CCDC178: variants seen among roughly 807,000 people sequenced by gnomAD.
The protein encoded by CCDC178 is coiled-coil domain containing 178, also known as coiled-coil domain-containing protein 178.
Under a neutral mutation model 117.4 loss-of-function variants are expected in CCDC178, and 126 were observed. The observed-to-expected ratio is 1.07, with a 90% CI of 0.93 to 1.24. CCDC178 has a LOEUF of 1.24. Among genes scored for constraint, CCDC178 ranks in the 50% most tolerant of loss-of-function variants. The pLI, the probability that CCDC178 is intolerant of heterozygous loss-of-function variation, is 0.00. For missense variants in CCDC178, 1,030 were observed against 986.9 expected (o/e 1.04, Z -0.59); for synonymous variants, 283 against 313.4 (o/e 0.90, Z 1.02).
At chr18:33,426,878 T>C (rs920444980) in intron 2 of CCDC178, among the ~76,000 whole-genome samples, 1 of 152,018 alleles carries the variant, frequency 6.6e-6, no homozygotes, top group African/African-American at 2.4e-5. Flanking sequence ...AATGGGAAAA[T>C]TTCTGAAAAA....
intron 20 of CCDC178, among the ~76,000 whole-genome samples, chr18:33,126,666 A>AT (rs918772623): frequency 2.6e-5 from 4 of 151,598 alleles, no homozygotes; most frequent in African/African-American, 4.8e-5. Context: ...TTTACTGTTT[A>AT]TTTTTTGTTT....
intron 20 of CCDC178, among the ~76,000 whole-genome samples, chr18:33,119,699 G>A (rs1218261723): frequency 6.6e-6 from 1 of 152,106 alleles, no homozygotes; most frequent in African/African-American, 2.4e-5. Flanking sequence ...ATACCCAAAG[G>A]ATTATCAATC....
chr18:33,321,545 G>C (rs1478099800), intron 11 of CCDC178, among the ~76,000 whole-genome samples: 1 of 152,048 alleles, frequency 6.6e-6, no homozygotes, highest in Non-Finnish European at 1.5e-5. Flanking sequence ...CAGAAGAAAT[G>C]TAATAACTAG....
At chr18:33,064,389 C>T (rs272937) in intron 21 of CCDC178, among the ~76,000 whole-genome samples, 21,660 of 151,954 alleles carry the variant, frequency 0.14, 2,392 homozygotes, top group African/African-American at 0.31. Context: ...CTGAAGAATT[C>T]AATAAATGAA....
At chr18:33,281,560 A>G (rs1366027787) in intron 12 of CCDC178, among the ~76,000 whole-genome samples, 2 of 152,190 alleles carry the variant, frequency 1.3e-5, no homozygotes, top group Non-Finnish European at 2.9e-5. Flanking sequence ...CAGTTGCCAT[A>G]CAAGATCCAA....
chr18:32,999,442 G>T (rs958599386), intron 21 of CCDC178, among the ~76,000 whole-genome samples: 6 of 152,154 alleles, frequency 3.9e-5, no homozygotes, highest in African/African-American at 1.4e-4. Flanking sequence ...CACAAGCTTG[G>T]TTAGTTTTGC....
intron 20 of CCDC178, among the ~76,000 whole-genome samples, chr18:33,174,608 C>T (rs1213905779): frequency 1.3e-5 from 2 of 152,094 alleles, no homozygotes; most frequent in Non-Finnish European, 2.9e-5. Flanking sequence ...AGCATAGAAA[C>T]CACCTGAGGA....
intron 12 of CCDC178, among the ~76,000 whole-genome samples, chr18:33,280,379 A>C (rs1186716184): frequency 1.3e-5 from 2 of 151,586 alleles, no homozygotes; most frequent in Non-Finnish European, 2.9e-5. Context: ...CCATCAGAGA[A>C]ATGCAAATCA....
At chr18:33,422,392 A>C (rs1351597300) in intron 2 of CCDC178, among the ~76,000 whole-genome samples, 1 of 152,132 alleles carries the variant, frequency 6.6e-6, no homozygotes, top group Non-Finnish European at 1.5e-5. Context: ...TTAACATTAC[A>C]TTACACTTTT....
At chr18:33,306,354 T>C (rs992995271) in intron 11 of CCDC178, among the ~76,000 whole-genome samples, 2 of 150,816 alleles carry the variant, frequency 1.3e-5, no homozygotes, top group Non-Finnish European at 2.9e-5. Flanking sequence ...TTTTATAAAA[T>C]GGTGAGTTTG....
intron 20 of CCDC178, among the ~76,000 whole-genome samples, chr18:33,133,201 G>A (rs980345266): frequency 3.3e-5 from 5 of 151,690 alleles, no homozygotes; most frequent in African/African-American, 7.3e-5. Context: ...TATCGAAAAC[G>A]TCTGTGAGAA....
intron 5 of CCDC178, among the ~76,000 whole-genome samples, chr18:33,380,655 A>G (rs1033857271): frequency 6.6e-6 from 1 of 152,188 alleles, no homozygotes; most frequent in Admixed American, 6.5e-5. Context: ...TAACACCCAG[A>G]TGCCATCATG....
At chr18:33,299,007 G>C (rs1019770881) in intron 11 of CCDC178, among the ~76,000 whole-genome samples, 1 of 152,030 alleles carries the variant, frequency 6.6e-6, no homozygotes, top group Admixed American at 6.6e-5. Flanking sequence ...CCTAGCTCAC[G>C]GATTGAAAGA....
intron 3 of CCDC178, among the ~76,000 whole-genome samples, 172 bp downstream of exon 3, chr18:33,411,859 G>T (rs145332075): frequency 6.6e-6 from 1 of 151,928 alleles, no homozygotes; most frequent in Non-Finnish European, 1.5e-5. Context: ...TTTTTGTTAC[G>T]CTGACTCACT....
At chr18:33,219,787 T>A (rs199614) in intron 18 of CCDC178, among the ~76,000 whole-genome samples, 24,414 of 150,924 alleles carry the variant, frequency 0.16, 2,738 homozygotes, top group African/African-American at 0.32. Context: ...GGGTTGGGGG[T>A]GGAGGGAGGG....
chr18:33,006,878 AC>A (rs1357052165), intron 21 of CCDC178, among the ~76,000 whole-genome samples: 1 of 152,058 alleles, frequency 6.6e-6, no homozygotes, highest in Non-Finnish European at 1.5e-5. Flanking sequence ...ATTTCTGCCA[AC>A]AATACATGCC....
At chr18:33,124,378 C>A (rs1360718975) in intron 20 of CCDC178, among the ~76,000 whole-genome samples, 1 of 152,092 alleles carries the variant, frequency 6.6e-6, no homozygotes, top group Admixed American at 6.6e-5. Context: ...ATTCCGGGGC[C>A]ATGGGAATCT....
chr18:33,054,759 T>C (rs576203208), intron 21 of CCDC178, among the ~76,000 whole-genome samples: 20 of 152,256 alleles, frequency 1.3e-4, no homozygotes, highest in Non-Finnish European at 2.4e-4. Flanking sequence ...TATAATAGAA[T>C]GATTTATATT....
chr18:33,179,131 C>CTATATATATATAAACTATA (rs1235147711), intron 20 of CCDC178, among the ~76,000 whole-genome samples: 2 of 54,700 alleles, frequency 3.7e-5, no homozygotes, highest in East Asian at 4.1e-4. Context: ...TATATATAAA[C>CTATATATATATAAACTATA]TATATATATA....
Sources: allele counts gnomAD v4.1 joint callset (sites outside exome capture counted in the v4.1 genomes callset), GRCh38; gene constraint gnomAD v4.1.1; transcripts MANE v1.5; gene names NCBI Gene and HGNC (gene_info 2026-07-23, HGNC 2026-07-21).